Variants in POPDC3 observed in about 807,000 individuals in gnomAD.
POPDC3 encodes the protein popeye domain-containing protein 3.
In POPDC3, 20 loss-of-function variants were observed where a neutral mutation model predicts 28.2. The ratio of observed to expected loss-of-function variants is 0.71; its 90% CI spans 0.50 to 1.03. POPDC3 has a LOEUF of 1.03. Ranked by LOEUF, POPDC3 falls within the 50% of genes least tolerant of loss-of-function variation. The pLI, the probability that POPDC3 is intolerant of heterozygous loss-of-function variation, is 0.00. For synonymous variants in POPDC3, 118 were observed against 124.1 expected (o/e 0.95, Z 0.33); for missense variants, 316 against 345.9 (o/e 0.91, Z 0.69).
intron 1 of POPDC3, among the ~76,000 whole-genome samples, chr6:105,166,111 G>A (rs1774450514): frequency 6.6e-6 from 1 of 152,188 alleles, no homozygotes; most frequent in East Asian, 1.9e-4. Flanking sequence ...AGTCTTAGCT[G>A]TATCCCTAGA....
chr6:105,162,063 T>C lies in POPDC3; in HGVS notation c.-154A>G. 1 of 1,441,464 alleles carries C rather than the reference T, an allele frequency of 6.9e-7. No homozygotes were observed. The highest frequency in any genetic ancestry group is 9.0e-7 in the Non-Finnish European group (1 of 1,104,974). 89.3% of individuals were successfully genotyped at this position (1,441,464 alleles called of 1,614,324 possible). A position where few individuals can be genotyped will look rare whatever the true frequency, so the allele number is the denominator to read the frequency against. The stretch of plus-strand genomic sequence containing the variant: ...GAGTTGATGCTGATTAAAGGCTTCG[T>C]GTGTACGGATCTTGAAAAACTAAGA... On this transcript the variant is annotated 5_prime_UTR_variant, in exon 2 of 4. Transcript: ENST00000254765.
intron 2 of POPDC3, 31 bp downstream of exon 2, chr6:105,161,394 G>A: frequency 6.3e-7 from 1 of 1,587,390 alleles, no homozygotes; most frequent in Admixed American, 1.8e-5. Context: ...TAATACTTGA[G>A]GAAAGACATG....
chr6:105,164,688 G>A (rs1470069762), intron 1 of POPDC3, among the ~76,000 whole-genome samples: 2 of 152,228 alleles, frequency 1.3e-5, no homozygotes, highest in Non-Finnish European at 2.9e-5. Context: ...GTAAGCCTGA[G>A]GTCATGTTTT....
chr6:105,161,363 G>A, intron 2 of POPDC3, 62 bp downstream of exon 2: 1 of 1,544,596 alleles, frequency 6.5e-7, no homozygotes, highest in Non-Finnish European at 8.7e-7. Flanking sequence ...GAAAAATATA[G>A]TGGAAAGAAA....
intron 1 of POPDC3, among the ~76,000 whole-genome samples, chr6:105,170,348 A>G (rs562961201): frequency 4.7e-4 from 72 of 152,306 alleles, no homozygotes; most frequent in African/African-American, 1.7e-3. Flanking sequence ...AATCAATGGG[A>G]CACCTTTGCT....
Position 105,161,537 on chromosome 6 carries a change from C to T in POPDC3, c.373G>A (p.Val125Ile). The T allele has an allele frequency of 6.2e-7, 1 of 1,614,182 alleles. No homozygotes were observed. The highest frequency in any genetic ancestry group is 8.5e-7 in the Non-Finnish European group (1 of 1,180,026). Reference sequence around the variant, plus strand: ...GAGCTCAAAGCAATCGTTCTGAAGACAGGCAAAGAGATCCCCAGGGGCTGG... The same window carrying T: ...GAGCTCAAAGCAATCGTTCTGAAGATAGGCAAAGAGATCCCCAGGGGCTGG... ...LFQPLGISLP[V>I]FRTIALSSEV... is the part of the protein sequence containing the mutation. Residue 125 changes from valine (V) to isoleucine (I), a missense_variant, in exon 2 of 4, where the codon GTC becomes ATC. By Grantham distance (29) the Val-to-Ile change is conservative (BLOSUM62 3). Coordinates refer to ENST00000254765, the MANE Select transcript of POPDC3 (RefSeq NM_022361.5).
At chr6:105,178,563 G>GGAAGACAC (rs1042406372) in intron 1 of POPDC3, 1 of 152,858 alleles carries the variant, frequency 6.5e-6, no homozygotes, top group African/African-American at 2.5e-5. Flanking sequence ...AACTCCTGAA[G>GGAAGACAC]ACACACACAC....
intron 1 of POPDC3, among the ~76,000 whole-genome samples, chr6:105,171,162 G>A (rs1774569994): frequency 6.6e-6 from 1 of 152,178 alleles, no homozygotes; most frequent in Non-Finnish European, 1.5e-5. Flanking sequence ...TCCCTACATG[G>A]CTTAGGTCAG....
chr6:105,164,982 G>A (rs1477281405), intron 1 of POPDC3, among the ~76,000 whole-genome samples: 1 of 152,224 alleles, frequency 6.6e-6, no homozygotes, highest in Non-Finnish European at 1.5e-5. Flanking sequence ...TGCATTTATT[G>A]CAACAGAACT....
intron 1 of POPDC3, among the ~76,000 whole-genome samples, chr6:105,163,225 TATG>T (rs1040257700): frequency 7.2e-5 from 11 of 152,228 alleles, no homozygotes; most frequent in Non-Finnish European, 1.2e-4. Flanking sequence ...GCTTGCATCA[TATG>T]ATGAAATAAA....
At chr6:105,172,075 TA>T (rs1774587705) in intron 1 of POPDC3, among the ~76,000 whole-genome samples, 3 of 151,072 alleles carry the variant, frequency 2.0e-5, no homozygotes, top group Non-Finnish European at 2.9e-5. Context: ...CAAAACAAAC[TA>T]CCATCAGAGT....
chr6:105,171,778 C>G (rs1047516965), intron 1 of POPDC3, among the ~76,000 whole-genome samples: 16 of 142,602 alleles, frequency 1.1e-4, no homozygotes, highest in African/African-American at 3.7e-4. Flanking sequence ...GTTTTCAAAA[C>G]TGTGATCTAT....
chr6:105,158,586 T>G lies in POPDC3; in HGVS notation c.760A>C (p.Lys254Gln). 6.2e-7 allele frequency: 1 copy of G among 1,614,168 alleles called. No homozygotes were observed. Among genetic ancestry groups the G allele is most frequent in the South Asian group, 1.1e-5 (1 of 91,078 alleles). ...AGCCGAATATCATAGTGATATCTTT[T>G]TCCTATATATACCCTGTCATTCAAG... ...YALNDRVYIG[K>Q]RYHYDIRLPN... Residue 254 changes from lysine to glutamine, a missense_variant, in exon 4 of 4, where the codon AAA (lysine) becomes CAA (glutamine). Lys to Gln is a moderately conservative substitution (Grantham distance 53). Transcript: ENST00000254765.
At chr6:105,179,532 C>G (rs1303928543) in intron 1 of POPDC3, among the ~76,000 whole-genome samples, 1 of 152,200 alleles carries the variant, frequency 6.6e-6, no homozygotes, top group East Asian at 1.9e-4. Flanking sequence ...CTAGGGCATA[C>G]GACTCGCGTT....
In POPDC3 at chr6:105,158,121, C is replaced by G. The variant is rs1774223940; in HGVS notation, c.*349G>C. The stretch of plus-strand genomic sequence containing the variant: ...GGCTGAGAATACTTGCTGGCTCTTT[C>G]TTGAGAAGCAACTCCTGAGTCTATA... On this transcript the variant is annotated 3_prime_UTR_variant, in exon 4 of 4. Coordinates refer to ENST00000254765, the MANE Select transcript of POPDC3 (RefSeq NM_022361.5). Among the ~76,000 whole-genome samples the G allele has an allele frequency of 1.3e-5, 2 of 152,110 alleles. No homozygotes were observed. Among genetic ancestry groups the G allele is most frequent in the Admixed American group, 1.3e-4 (2 of 15,272 alleles).
At chr6:105,166,359 T>G (rs1774454990) in intron 1 of POPDC3, among the ~76,000 whole-genome samples, 1 of 151,802 alleles carries the variant, frequency 6.6e-6, no homozygotes. Flanking sequence ...TGGCCTGTTT[T>G]GTCGCCGGGG....
chr6:105,162,179 G>A lies in POPDC3; in HGVS notation c.-251-19C>T. On this transcript the variant is annotated intron_variant, in intron 1 of 3. Coordinates refer to ENST00000254765, the MANE Select transcript of POPDC3 (RefSeq NM_022361.5). ...GTATTTCCTATGCAAGAGAAAAAAA[G>A]ATAAAGGATCTAATTAAACAAAAAG... 1 of 1,196,766 alleles carries A rather than the reference G, an allele frequency of 8.4e-7. No homozygotes were observed. Among genetic ancestry groups the A allele is most frequent in the South Asian group, 3.7e-5 (1 of 26,696 alleles). The allele number at this position is 1,196,766 out of a possible 1,614,324, so 74.1% of individuals were successfully genotyped here.
At chr6:105,159,922 T>G (rs762800332) in intron 2 of POPDC3, 103 bp from the exon 3 acceptor site, 12 of 705,114 alleles carry the variant, frequency 1.7e-5, no homozygotes, top group Non-Finnish European at 2.9e-5. Flanking sequence ...CCCTGATGAC[T>G]CTTGCCCTTT....
At chr6:105,167,048 A>G (rs1774471052) in intron 1 of POPDC3, among the ~76,000 whole-genome samples, 1 of 152,048 alleles carries the variant, frequency 6.6e-6, no homozygotes. Context: ...CAGTGTTTGA[A>G]ATAAGCTTGG....
Sources: gnomAD v4.1 joint callset for allele counts (sites outside exome capture counted in the v4.1 genomes callset) on GRCh38, gnomAD v4.1.1 for gene constraint, MANE v1.5 for transcripts, NCBI Gene and HGNC (gene_info 2026-07-23, HGNC 2026-07-21) for gene names.